Variants in SLC45A4 observed in about 807,000 individuals in gnomAD.
The protein encoded by SLC45A4 is polyamine-transporter SLC45A4.
SLC45A4 carries 32 observed loss-of-function variants against 63.7 expected under a neutral mutation model. That is an observed-to-expected ratio of 0.50 (90% CI 0.38 to 0.67). The LOEUF (loss-of-function observed/expected upper bound fraction) is 0.67. Ranked by LOEUF, SLC45A4 falls within the 30% of genes least tolerant of loss-of-function variation. The pLI is 0.00. For synonymous variants in SLC45A4, 535 were observed against 510.0 expected, an observed-to-expected ratio of 1.05 and a Z score of -0.66; for missense variants, 1,027 against 1,157.7, an observed-to-expected ratio of 0.89 and a Z score of 1.64.
chr8:141,244,957 T>TGGGGGGGGGGGGGGG (rs1243475649), intron 2 of SLC45A4, among the ~76,000 whole-genome samples: 3 of 8,406 alleles, frequency 3.6e-4, no homozygotes, highest in Admixed American at 1.2e-3. Flanking sequence ...AAGACGTGGG[T>TGGGGGGGGGGGGGGG]GGGGGGGGGG....
intron 2 of SLC45A4, among the ~76,000 whole-genome samples, chr8:141,234,046 G>A (rs1827497160): frequency 6.6e-6 from 1 of 152,258 alleles, no homozygotes. Flanking sequence ...TGAGAACTGA[G>A]TCATCCTGAA....
chr8:141,257,157 T>C (rs1020557757), intron 1 of SLC45A4, among the ~76,000 whole-genome samples: 1 of 152,218 alleles, frequency 6.6e-6, no homozygotes, highest in African/African-American at 2.4e-5. Flanking sequence ...CAGCCAGAAC[T>C]ATTTCTAACA....
chr8:141,218,312 G>T lies in SLC45A4; in HGVS notation c.1328C>A (p.Ala443Asp). 6.2e-7 allele frequency: 1 copy of T among 1,606,754 alleles called. No individual in the cohort carries two copies. The change falls in exon 5 of 9, where the codon GCC becomes GAC. Residue 443 changes from alanine to aspartate, a missense_variant. By Grantham distance (126) the Ala-to-Asp change is moderately radical (BLOSUM62 -2). Transcript: ENST00000517878. ...CGGCTTGATCAGCACCACGGCGTTG[G>T]CGCGCCGGTAGCGGTAGCAGTGGGA... is the stretch of plus-strand genomic sequence containing the variant. Reference protein sequence around the residue: ...LGSHCYRYRRANAVVLIKPSR... With the variant: ...LGSHCYRYRRDNAVVLIKPSR...
chr8:141,267,566 A>G (rs1829325141), intron 1 of SLC45A4, among the ~76,000 whole-genome samples: 1 of 152,222 alleles, frequency 6.6e-6, no homozygotes, highest in Non-Finnish European at 1.5e-5. Flanking sequence ...TTGGATTTTG[A>G]GGCTTAAAGA....
chr8:141,250,237 GA>G (rs1828400782), intron 2 of SLC45A4, among the ~76,000 whole-genome samples: 1 of 152,176 alleles, frequency 6.6e-6, no homozygotes, highest in Non-Finnish European at 1.5e-5. Context: ...ACACTAACGT[GA>G]AAGCCATACA....
intron 2 of SLC45A4, chr8:141,226,955 C>T (rs10107599): frequency 0.46 from 69,399 of 152,120 alleles, 16,096 homozygotes; most frequent in East Asian, 0.57. Flanking sequence ...TTCAAAACGG[C>T]CCCGGGAGGG....
At chr8:141,228,535 C>A in intron 2 of SLC45A4, 2 of 1,283,634 alleles carry the variant, frequency 1.6e-6, no homozygotes, top group Non-Finnish European at 2.0e-6. Context: ...CGGGCAGGCA[C>A]TCCCCGCAGC....
chr8:141,237,694 G>A (rs569638887), intron 2 of SLC45A4, among the ~76,000 whole-genome samples: 4 of 152,108 alleles, frequency 2.6e-5, no homozygotes, highest in South Asian at 2.1e-4. Flanking sequence ...GGCGCTCCAC[G>A]ATCCCTGGAG....
chr8:141,263,991 C>A (rs1829156139), intron 1 of SLC45A4, among the ~76,000 whole-genome samples: 1 of 152,036 alleles, frequency 6.6e-6, no homozygotes, highest in Non-Finnish European at 1.5e-5. Context: ...CGGGTTGGTG[C>A]CAGAAGAACC....
At chr8:141,269,735 C>T (rs1477774987) in intron 1 of SLC45A4, among the ~76,000 whole-genome samples, 4 of 151,826 alleles carry the variant, frequency 2.6e-5, no homozygotes, top group Admixed American at 2.6e-4. Context: ...CTGGATGGAT[C>T]TATATGTGTC....
chr8:141,256,515 C>T lies in SLC45A4; in HGVS notation c.-400-1886G>A. On this transcript the variant is annotated intron_variant, in intron 1 of 8. Transcript: ENST00000517878. The surrounding 1 kb of genome is among the most constrained non-coding windows in gnomAD (Gnocchi z 4.3). Reference sequence around the variant, plus strand: ...ACAGCCCTGATGGAGAAGGTGGGTCCCTGGCACGTGGGCCCCAGGAGGGAG... The same window carrying T: ...ACAGCCCTGATGGAGAAGGTGGGTCTCTGGCACGTGGGCCCCAGGAGGGAG... 1 of 456,174 alleles carries T rather than the reference C, an allele frequency of 2.2e-6. No individual in the cohort carries two copies. Among genetic ancestry groups the T allele is most frequent in the Non-Finnish European group, 4.4e-6 (1 of 226,908 alleles). The allele number at this position is 456,174 out of a possible 1,614,324, so 28.3% of individuals were successfully genotyped here. A position where few individuals can be genotyped will look rare whatever the true frequency, so the allele number is the denominator to read the frequency against.
chr8:141,278,772 C>T lies in SLC45A4; in HGVS notation c.-400-24143G>A, dbSNP rs530152427. Reference sequence around the variant, plus strand: ...CGTCTCAACAAGGCACAGACGCACCCGCAAGGGAGTGGGCAGCACTGCAGG... The same window carrying T: ...CGTCTCAACAAGGCACAGACGCACCTGCAAGGGAGTGGGCAGCACTGCAGG... On this transcript the variant is annotated intron_variant, in intron 1 of 8. Coordinates refer to ENST00000517878, the MANE Select transcript of SLC45A4 (RefSeq NM_001286646.2). The surrounding 1 kb of genome is among the most constrained non-coding windows in gnomAD (Gnocchi z 4.1). 3.9e-5 allele frequency among the ~76,000 whole-genome samples: 6 copies of T among 152,372 alleles called. No homozygotes were observed. Among genetic ancestry groups the T allele is most frequent in the African/African-American group, 7.2e-5 (3 of 41,590 alleles).
In SLC45A4 at chr8:141,212,565, G is replaced by A; in HGVS notation, c.1942-9C>T. 2.5e-6 allele frequency: 4 copies of A among 1,586,754 alleles called. No individual in the cohort carries two copies. The highest frequency in any genetic ancestry group is 3.4e-6 in the Non-Finnish European group (4 of 1,164,890). Reference sequence around the variant, plus strand: ...GGGCTGTGGTGGATGTACTGCAAGAGAGGAAACACGAGGCGGTGAGCGGCT... The same window carrying A: ...GGGCTGTGGTGGATGTACTGCAAGAAAGGAAACACGAGGCGGTGAGCGGCT... On this transcript the variant is annotated splice_polypyrimidine_tract_variant and intron_variant, in intron 7 of 8. Coordinates refer to ENST00000517878, the MANE Select transcript of SLC45A4 (RefSeq NM_001286646.2).
intron 1 of SLC45A4, among the ~76,000 whole-genome samples, chr8:141,287,222 A>G (rs186009806): frequency 5.3e-5 from 8 of 152,258 alleles, no homozygotes; most frequent in Non-Finnish European, 8.8e-5. Flanking sequence ...TAATAAACAG[A>G]CTATAAACTC....
In SLC45A4 at chr8:141,261,953, C is replaced by T. The variant is rs1192709209; in HGVS notation, c.-400-7324G>A. ...AACAAAGCTGGAGGCATCACGCTACCTGACTTCAAACTATACTACAAGGCT... is the reference window on the plus strand; with the variant it reads ...AACAAAGCTGGAGGCATCACGCTACTTGACTTCAAACTATACTACAAGGCT... On this transcript the variant is annotated intron_variant, in intron 1 of 8. Coordinates refer to ENST00000517878, the MANE Select transcript of SLC45A4 (RefSeq NM_001286646.2). Among the ~76,000 whole-genome samples the T allele has an allele frequency of 6.6e-5, 10 of 152,316 alleles. No homozygotes were observed. The South Asian group carries it at 1.5e-3, about 22-fold the overall frequency.
chr8:141,281,989 C>T (rs1210126086), intron 1 of SLC45A4, among the ~76,000 whole-genome samples: 1 of 152,138 alleles, frequency 6.6e-6, no homozygotes, highest in East Asian at 1.9e-4. Context: ...TTTCCTAACG[C>T]CAGGACGCAT....
chr8:141,212,064 C>T (rs1026479574), intron 8 of SLC45A4, 133 bp downstream of exon 8: 202 of 1,402,788 alleles, frequency 1.4e-4, no homozygotes, highest in Non-Finnish European at 1.7e-4. Flanking sequence ...GGCTCTGGCC[C>T]GCACTGCCGG....
At chr8:141,283,382 C>T (rs1307543481) in intron 1 of SLC45A4, among the ~76,000 whole-genome samples, 1 of 152,198 alleles carries the variant, frequency 6.6e-6, no homozygotes, top group Non-Finnish European at 1.5e-5. Context: ...GGAAGGTTCC[C>T]TCCCAGCCCC....
chr8:141,301,968 G>GA (rs1361874849), intron 1 of SLC45A4, among the ~76,000 whole-genome samples: 1 of 149,974 alleles, frequency 6.7e-6, no homozygotes, highest in Non-Finnish European at 1.5e-5. Flanking sequence ...TCTCAAAAAA[G>GA]AAAAAAAAGA....
Sources: allele counts gnomAD v4.1 joint callset (sites outside exome capture counted in the v4.1 genomes callset), GRCh38; gene constraint gnomAD v4.1.1; non-coding constraint Gnocchi (gnomAD v3.1); transcripts MANE v1.5; gene names NCBI Gene and HGNC (gene_info 2026-07-23, HGNC 2026-07-21).